Variants in HS3ST4 observed in about 807,000 individuals in gnomAD.
HS3ST4 encodes heparan sulfate glucosamine 3-O-sulfotransferase 4.
In HS3ST4, 17 loss-of-function variants were observed where a neutral mutation model predicts 29.2. The ratio of observed to expected loss-of-function variants is 0.58; its 90% CI spans 0.40 to 0.87. HS3ST4 has a LOEUF of 0.87. HS3ST4 is among the 40% of genes least tolerant of loss of function. The pLI, the probability that HS3ST4 is intolerant of heterozygous loss-of-function variation, is 0.00. For synonymous variants in HS3ST4, 314 were observed against 285.7 expected (o/e 1.10, Z -1.00); for missense variants, 627 against 634.5 (o/e 0.99, Z 0.13).
intron 1 of HS3ST4, among the ~76,000 whole-genome samples, chr16:25,961,953 G>A (rs1968799632): frequency 6.6e-6 from 1 of 152,214 alleles, no homozygotes; most frequent in Admixed American, 6.5e-5. Context: ...GAACAAGTAT[G>A]CTAGATAAGA....
At chr16:25,746,602 A>G in intron 1 of HS3ST4, among the ~76,000 whole-genome samples, 1 of 149,432 alleles carries the variant, frequency 6.7e-6, no homozygotes, top group East Asian at 2.0e-4. Context: ...CCCAGGCTGG[A>G]GTGCAATGGC....
intron 1 of HS3ST4, among the ~76,000 whole-genome samples, chr16:26,091,568 T>C (rs964416469): frequency 6.6e-6 from 1 of 152,168 alleles, no homozygotes; most frequent in Non-Finnish European, 1.5e-5. Flanking sequence ...GCTTTCCTTC[T>C]ACCTCACCAG....
intron 1 of HS3ST4, among the ~76,000 whole-genome samples, chr16:26,131,523 G>C (rs1899419086): frequency 6.6e-6 from 1 of 152,138 alleles, no homozygotes. Flanking sequence ...TGAGTATATT[G>C]AAGTGTCAGA....
chr16:26,114,810 T>G (rs1446191937), intron 1 of HS3ST4, among the ~76,000 whole-genome samples: 1 of 152,066 alleles, frequency 6.6e-6, no homozygotes, highest in Non-Finnish European at 1.5e-5. Flanking sequence ...GGAGGGCAAT[T>G]TACCAGTATC....
intron 1 of HS3ST4, among the ~76,000 whole-genome samples, chr16:26,047,031 A>G (rs1435557796): frequency 6.6e-6 from 1 of 152,246 alleles, no homozygotes; most frequent in Non-Finnish European, 1.5e-5. Context: ...AAAAAGCTAT[A>G]GCTGCCTTGA....
chr16:26,106,741 T>C (rs1194668249), intron 1 of HS3ST4, among the ~76,000 whole-genome samples: 2 of 152,202 alleles, frequency 1.3e-5, no homozygotes, highest in East Asian at 3.9e-4. Flanking sequence ...TGTCTTCCTG[T>C]GCTGTTCCCC....
chr16:25,694,550 A>G (rs1228145949), intron 1 of HS3ST4, among the ~76,000 whole-genome samples: 1 of 152,218 alleles, frequency 6.6e-6, no homozygotes, highest in Non-Finnish European at 1.5e-5. Context: ...TAAAACAGCA[A>G]ATGCCTAATT....
intron 1 of HS3ST4, among the ~76,000 whole-genome samples, chr16:25,865,771 T>C (rs757001191): frequency 4.6e-5 from 7 of 152,056 alleles, no homozygotes; most frequent in Non-Finnish European, 7.4e-5. Flanking sequence ...GATACCCACA[T>C]AGAGAAGGAT....
intron 1 of HS3ST4, among the ~76,000 whole-genome samples, chr16:25,790,725 C>G (rs1414398062): frequency 3.9e-5 from 6 of 152,110 alleles, no homozygotes; most frequent in Non-Finnish European, 8.8e-5. Context: ...GTGTTTTGCC[C>G]ATTAAAAAAA....
At chr16:25,737,439 A>G (rs1464574773) in intron 1 of HS3ST4, among the ~76,000 whole-genome samples, 2 of 152,252 alleles carry the variant, frequency 1.3e-5, no homozygotes, top group East Asian at 1.9e-4. Flanking sequence ...TATCTTTTAC[A>G]GCAATGTGAG....
At chr16:25,770,923 G>A (rs1008069485) in intron 1 of HS3ST4, among the ~76,000 whole-genome samples, 3 of 152,016 alleles carry the variant, frequency 2.0e-5, no homozygotes, top group Admixed American at 6.5e-5. Flanking sequence ...GTCACTTTGG[G>A]TCCTCAGGAT....
chr16:26,119,211 T>C (rs1899239358), intron 1 of HS3ST4, among the ~76,000 whole-genome samples: 1 of 152,192 alleles, frequency 6.6e-6, no homozygotes, highest in Non-Finnish European at 1.5e-5. Context: ...TACCTCCCTC[T>C]CAGCTAGCAT....
chr16:25,838,346 C>T (rs893622831), intron 1 of HS3ST4, among the ~76,000 whole-genome samples: 1 of 152,046 alleles, frequency 6.6e-6, no homozygotes, highest in Non-Finnish European at 1.5e-5. Context: ...ATTGCATGCT[C>T]TCTCTCTCTT....
At chr16:25,865,151 G>C (rs1967681902) in intron 1 of HS3ST4, among the ~76,000 whole-genome samples, 1 of 152,120 alleles carries the variant, frequency 6.6e-6, no homozygotes, top group Non-Finnish European at 1.5e-5. Context: ...ATTTCCTTTG[G>C]ATATATGCCC....
At chr16:25,953,020 G>T (rs1968696565) in intron 1 of HS3ST4, among the ~76,000 whole-genome samples, 1 of 152,122 alleles carries the variant, frequency 6.6e-6, no homozygotes, top group Non-Finnish European at 1.5e-5. Context: ...TAGACCTTTT[G>T]AGGGCTAGGT....
At position 26,126,503 on chromosome 16, in the gene HS3ST4, G is replaced by C. The variant is rs146697426; in HGVS notation, c.735-9109G>C. On this transcript the variant is annotated intron_variant, in intron 1 of 1. Coordinates refer to ENST00000331351, the MANE Select transcript of HS3ST4 (RefSeq NM_006040.3). ...AATTTTTATTATCATCCCATTTTAC[G>C]TATGGGAAAATCTAGGCAGAGACAG... Among the ~76,000 whole-genome samples, 3 of 152,098 alleles carry C rather than the reference G, an allele frequency of 2.0e-5. 1 individual carries two copies. Among genetic ancestry groups the C allele is most frequent in the Admixed American group, 2.0e-4 (3 of 15,258 alleles).
rs919425498 is a variant in HS3ST4 at position 25,739,304 on chromosome 16, T to C, written c.734+46153T>C. 3.2e-4 allele frequency among the ~76,000 whole-genome samples: 48 copies of C among 152,160 alleles called. 2 individuals are homozygous for C. Among genetic ancestry groups the C allele is most frequent in the Non-Finnish European group, 4.4e-5 (3 of 68,024 alleles). On this transcript the variant is annotated intron_variant, in intron 1 of 1. Coordinates refer to ENST00000331351, the MANE Select transcript of HS3ST4 (RefSeq NM_006040.3). ...TTTCAGTGAGCCAAGTTCACGCCAC[T>C]GGACTCCAGCCTGGGCAACAAAGTG...
At chr16:25,789,756 A>G (rs116989853) in intron 1 of HS3ST4, among the ~76,000 whole-genome samples, 1 of 152,244 alleles carries the variant, frequency 6.6e-6, no homozygotes, top group Non-Finnish European at 1.5e-5. Flanking sequence ...CTACTCTCCA[A>G]TAACTAGGAC....
chr16:25,806,320 C>CGTGTGTGTGT (rs376606482), intron 1 of HS3ST4, among the ~76,000 whole-genome samples: 1 of 150,968 alleles, frequency 6.6e-6, no homozygotes, highest in Non-Finnish European at 1.5e-5. Flanking sequence ...TGAGTGCAAG[C>CGTGTGTGTGT]GTGTGTGTGT....
Sources: allele counts gnomAD v4.1 joint callset (sites outside exome capture counted in the v4.1 genomes callset), GRCh38; gene constraint gnomAD v4.1.1; transcripts MANE v1.5; gene names NCBI Gene and HGNC (gene_info 2026-07-23, HGNC 2026-07-21).